Variants in GPCPD1 observed in about 807,000 individuals in gnomAD.
GPCPD1 encodes glycerophosphocholine phosphodiesterase GPCPD1.
A neutral mutation model predicts 89.2 loss-of-function variants in GPCPD1; 29 were observed. The observed-to-expected ratio is 0.33, with a 90% CI of 0.24 to 0.44. GPCPD1 has a LOEUF of 0.44. Among genes scored for constraint, GPCPD1 ranks in the 20% least tolerant of loss-of-function variants. The pLI is 1.00. For missense variants in GPCPD1, 594 were observed against 808.9 expected (o/e 0.73, Z 3.22); for synonymous variants, 258 against 266.3 (o/e 0.97, Z 0.30).
intron 19 of GPCPD1, among the ~76,000 whole-genome samples, chr20:5,557,598 CG>C (rs200409819): frequency 0.01 from 1,553 of 152,110 alleles, 96 homozygotes; most frequent in Admixed American, 0.092. Context: ...GTTGGAGATA[CG>C]TAAGTGTGAG....
chr20:5,575,659 G>C, intron 9 of GPCPD1, 114 bp from the exon 10 acceptor site: 1 of 853,616 alleles, frequency 1.2e-6, no homozygotes, highest in Non-Finnish European at 1.8e-6. Context: ...CTGTCAAACG[G>C]AAAAAAAAAC....
intron 12 of GPCPD1, among the ~76,000 whole-genome samples, chr20:5,569,418 A>G (rs1220356472): frequency 1.3e-5 from 2 of 152,158 alleles, no homozygotes; most frequent in African/African-American, 2.4e-5. Context: ...TTTAGGGACT[A>G]TATCATTATC....
chr20:5,597,126 T>C (rs904215535), intron 3 of GPCPD1, among the ~76,000 whole-genome samples: 6 of 152,158 alleles, frequency 3.9e-5, no homozygotes, highest in Middle Eastern at 3.2e-3. Context: ...TAGTAAAGAA[T>C]ATATACTATT....
intron 3 of GPCPD1, among the ~76,000 whole-genome samples, chr20:5,596,834 C>T (rs1568675933): frequency 6.6e-6 from 1 of 152,216 alleles, no homozygotes; most frequent in East Asian, 1.9e-4. Flanking sequence ...TGTGTATCTA[C>T]TCCCTTCTCC....
chr20:5,604,360 A>G lies in GPCPD1; in HGVS notation c.49+4T>C. 3 of 1,400,140 alleles carry G rather than the reference A, an allele frequency of 2.1e-6. No individual in the cohort carries two copies. Among genetic ancestry groups the G allele is most frequent in the Non-Finnish European group, 3.0e-6 (3 of 992,604 alleles). The allele number at this position is 1,400,140 out of a possible 1,614,324, so 86.7% of individuals were successfully genotyped here. Reference sequence around the variant, plus strand: ...ATTGTTTTAAAGTAAAACTTTTACAATACCTGGTAAAAGAGTTCCTCTTAT... The same window carrying G: ...ATTGTTTTAAAGTAAAACTTTTACAGTACCTGGTAAAAGAGTTCCTCTTAT... On this transcript the variant is annotated splice_donor_region_variant and intron_variant, in intron 2 of 19. Transcript: ENST00000379019.
At chr20:5,553,902 T>TTTTCAATGTAGACAAAACA (rs1381862373) in intron 19 of GPCPD1, among the ~76,000 whole-genome samples, 4 of 92,246 alleles carry the variant, frequency 4.3e-5, no homozygotes, top group East Asian at 4.9e-4. Flanking sequence ...ATGGAGAAGC[T>TTTTCAATGTAGACAAAACA]GCAGTTAAGG....
chr20:5,606,182 T>C (rs1400078352), intron 1 of GPCPD1, among the ~76,000 whole-genome samples: 2 of 152,188 alleles, frequency 1.3e-5, no homozygotes, highest in South Asian at 4.1e-4. Context: ...AATACACACA[T>C]GTACATATAA....
chr20:5,566,869 A>G (rs1986419480), intron 13 of GPCPD1, 97 bp from the exon 14 acceptor site: 2 of 776,688 alleles, frequency 2.6e-6, no homozygotes, highest in Non-Finnish European at 4.5e-6. Context: ...CAAGATAAAA[A>G]AGCCTATAAA....
At chr20:5,610,099 A>G (rs892697439) in intron 1 of GPCPD1, among the ~76,000 whole-genome samples, 9 of 152,214 alleles carry the variant, frequency 5.9e-5, no homozygotes, top group Non-Finnish European at 1.5e-5. Flanking sequence ...TCTACAATTC[A>G]TGCCCGATTT....
chr20:5,597,201 T>C (rs1450176087), intron 3 of GPCPD1, among the ~76,000 whole-genome samples: 3 of 152,338 alleles, frequency 2.0e-5, no homozygotes, highest in Non-Finnish European at 4.4e-5. Flanking sequence ...AGAAAATATG[T>C]CATACTAGTG....
rs1986629467 is a variant in GPCPD1, at chr20:5,570,201, C to T, written c.1095G>A (p.Lys365=). 1 of 1,597,138 alleles carries T rather than the reference C, an allele frequency of 6.3e-7. No homozygotes were observed. The highest frequency in any genetic ancestry group is 1.3e-5 in the African/African-American group (1 of 74,468). ...AFVEFDVHLS[K]DFVPVVYHDL... ...CATGATATACCACGGGCACAAAGTC[C>T]TTTGAAAGGTGTACGTCAAATTCTA... The change falls in exon 12 of 20, where the codon AAG becomes AAA. Residue 365 remains lysine, a synonymous_variant. Transcript: ENST00000379019.
In GPCPD1 at chr20:5,556,729, A is replaced by T. The variant is rs781617509; in HGVS notation, c.1829+1216T>A. Among the ~76,000 whole-genome samples the T allele has an allele frequency of 6.6e-5, 10 of 152,198 alleles. 1 individual carries two copies. Among genetic ancestry groups the T allele is most frequent in the South Asian group, 6.2e-4 (3 of 4,832 alleles). On this transcript the variant is annotated intron_variant, in intron 19 of 19. Transcript: ENST00000379019. Reference sequence around the variant, plus strand: ...TGCCAAAGAAGCTGATGGAAAAAAAAATATTTGTTCAATAAATTATTTGAC... The same window carrying T: ...TGCCAAAGAAGCTGATGGAAAAAAATATATTTGTTCAATAAATTATTTGAC...
chr20:5,564,821 C>T (rs902180144), intron 15 of GPCPD1, among the ~76,000 whole-genome samples, 196 bp downstream of exon 15: 1 of 151,942 alleles, frequency 6.6e-6, no homozygotes. Flanking sequence ...GCCTAGATGT[C>T]AAAGTGGGAT....
At chr20:5,578,338 C>T in intron 8 of GPCPD1, 42 bp downstream of exon 8, 1 of 1,149,190 alleles carries the variant, frequency 8.7e-7, no homozygotes, top group Non-Finnish European at 1.3e-6. Context: ...TAAGCTTGTC[C>T]CTGCATTCTT....
In GPCPD1 at chr20:5,567,374, A is replaced by G. The variant is rs559449190; in HGVS notation, c.1227+109T>C. ...GAATACCAAAGCACATAGTCTACACATTAAATTTAACAGTCATCCCCATGT... is the reference window on the plus strand; with the variant it reads ...GAATACCAAAGCACATAGTCTACACGTTAAATTTAACAGTCATCCCCATGT... On this transcript the variant is annotated intron_variant, in intron 13 of 19. Transcript: ENST00000379019. 3.0e-5 allele frequency: 39 copies of G among 1,304,012 alleles called. 1 individual carries two copies. The African/African-American group carries it at 5.4e-4, about 18-fold the overall frequency. The allele number at this position is 1,304,012 out of a possible 1,614,324, so 80.8% of individuals were successfully genotyped here. A position where few individuals can be genotyped will look rare whatever the true frequency, so the allele number is the denominator to read the frequency against.
intron 1 of GPCPD1, among the ~76,000 whole-genome samples, chr20:5,610,574 T>A (rs1323306536): frequency 6.6e-6 from 1 of 152,066 alleles, no homozygotes; most frequent in African/African-American, 2.4e-5. Flanking sequence ...CTCCACGTAT[T>A]TTTTAGAAGG....
chr20:5,571,346 T>G (rs900912743), intron 11 of GPCPD1, among the ~76,000 whole-genome samples: 38 of 152,238 alleles, frequency 2.5e-4, no homozygotes, highest in Admixed American at 1.3e-4. Context: ...AGTTGTAGCT[T>G]TCTAATTTTT....
intron 6 of GPCPD1, among the ~76,000 whole-genome samples, chr20:5,581,907 G>A (rs375962404): frequency 2.2e-4 from 31 of 139,998 alleles, no homozygotes; most frequent in East Asian, 1.3e-3. Flanking sequence ...ACTCCAGGCC[G>A]GGCGCGGTGG....
At chr20:5,604,757 T>C (rs1047603288) in intron 1 of GPCPD1, among the ~76,000 whole-genome samples, 3 of 130,070 alleles carry the variant, frequency 2.3e-5, no homozygotes, top group African/African-American at 5.6e-5. Flanking sequence ...TTGGGCAATA[T>C]AGTGAGGCCT....
Sources: gnomAD v4.1 joint callset for allele counts (sites outside exome capture counted in the v4.1 genomes callset) on GRCh38, gnomAD v4.1.1 for gene constraint, MANE v1.5 for transcripts, NCBI Gene and HGNC (gene_info 2026-07-23, HGNC 2026-07-21) for gene names.